Variants in ARMC2 observed in about 807,000 individuals in gnomAD.
ARMC2 encodes armadillo repeat-containing protein 2.
ARMC2 carries 67 observed loss-of-function variants against 90.3 expected under a neutral mutation model. That is an observed-to-expected ratio of 0.74 (90% CI 0.61 to 0.91). ARMC2 has a LOEUF of 0.91. Among genes scored for constraint, ARMC2 ranks in the 40% least tolerant of loss-of-function variants. The pLI is 0.00. For missense variants in ARMC2, 920 were observed against 1,030.9 expected, an observed-to-expected ratio of 0.89 and a Z score of 1.47; for synonymous variants, 393 against 393.0, an observed-to-expected ratio of 1.00 and a Z score of 0.00.
chr6:109,002,737 C>T, the ARMC2 span, among the ~76,000 whole-genome samples: 1 of 152,158 alleles, frequency 6.6e-6, no homozygotes, highest in African/African-American at 2.4e-5. Context: ...AATGAAAAAG[C>T]AGTACTTCCA....
chr6:108,902,176 T>C (rs1772226434), intron 7 of ARMC2, among the ~76,000 whole-genome samples: 1 of 152,348 alleles, frequency 6.6e-6, no homozygotes, highest in Non-Finnish European at 1.5e-5. Context: ...AATCAAACTT[T>C]TACCCACTAG....
intron 3 of ARMC2, among the ~76,000 whole-genome samples, chr6:108,865,844 C>A (rs991838248): frequency 3.3e-5 from 5 of 151,652 alleles, no homozygotes; most frequent in African/African-American, 1.2e-4. Context: ...ATAGGGAGAC[C>A]CTGTCTCTAC....
At chr6:108,983,069 G>A in the ARMC2 span, among the ~76,000 whole-genome samples, 15,323 of 151,774 alleles carry the variant, frequency 0.1, 912 homozygotes, top group South Asian at 0.19. Context: ...TGCCTGCCTC[G>A]GCCTCCCAAA....
intron 13 of ARMC2, among the ~76,000 whole-genome samples, chr6:108,958,994 T>G (rs1777793786): frequency 6.6e-6 from 1 of 152,216 alleles, no homozygotes; most frequent in Non-Finnish European, 1.5e-5. Flanking sequence ...GTCCCTTCTT[T>G]TACCATAACT....
chr6:108,873,365 C>G (rs139917785), intron 4 of ARMC2, among the ~76,000 whole-genome samples: 2 of 152,080 alleles, frequency 1.3e-5, no homozygotes, highest in African/African-American at 4.8e-5. Context: ...GGATGACATC[C>G]CAGCACCTCC....
the ARMC2 span, among the ~76,000 whole-genome samples, chr6:109,051,341 G>C: frequency 6.6e-6 from 1 of 152,062 alleles, no homozygotes; most frequent in Non-Finnish European, 1.5e-5. Context: ...GACAATAATG[G>C]TGCTACTTCA....
At chr6:108,969,675 T>C (rs1332125089) in intron 17 of ARMC2, among the ~76,000 whole-genome samples, 1 of 152,240 alleles carries the variant, frequency 6.6e-6, no homozygotes, top group Non-Finnish European at 1.5e-5. Context: ...TAAGTAGGTA[T>C]ATGTATACAG....
At chr6:108,899,888 A>G (rs1383441898) in intron 7 of ARMC2, 96 bp downstream of exon 7, 1 of 904,518 alleles carries the variant, frequency 1.1e-6, no homozygotes, top group Non-Finnish European at 1.7e-6. Context: ...TGATATTTTT[A>G]GTAAGTTTTC....
At chr6:108,921,203 C>A (rs1774532744) in intron 10 of ARMC2, among the ~76,000 whole-genome samples, 1 of 152,104 alleles carries the variant, frequency 6.6e-6, no homozygotes, top group South Asian at 2.1e-4. Flanking sequence ...TTCAAAATTT[C>A]TCCTGTATTG....
At chr6:108,989,799 T>C in the ARMC2 span, among the ~76,000 whole-genome samples, 3 of 152,274 alleles carry the variant, frequency 2.0e-5, no homozygotes, top group Non-Finnish European at 4.4e-5. Flanking sequence ...ACCAGTTGTG[T>C]GCGTTGCTCC....
chr6:108,990,716 C>G, the ARMC2 span: 1 of 1,614,086 alleles, frequency 6.2e-7, no homozygotes, highest in Non-Finnish European at 8.5e-7. Flanking sequence ...CATCTTTGTG[C>G]ATTGCCATTG....
intron 3 of ARMC2, among the ~76,000 whole-genome samples, chr6:108,864,310 A>G (rs1358656508): frequency 6.9e-6 from 1 of 145,498 alleles, no homozygotes; most frequent in Non-Finnish European, 1.5e-5. Flanking sequence ...GTGCAGTGGC[A>G]TGATCTCAGC....
At chr6:108,952,936 T>C in intron 12 of ARMC2, 97 bp from the exon 13 acceptor site, 2 of 1,168,438 alleles carry the variant, frequency 1.7e-6, no homozygotes, top group Non-Finnish European at 2.4e-6. Flanking sequence ...TCCATTTTAC[T>C]ATTAATGCAA....
Position 108,885,826 on chromosome 6 carries a change from G to T in ARMC2, c.672-8641G>T, listed in dbSNP as rs114408181. The stretch of plus-strand genomic sequence containing the variant: ...ACCAAATTGCAGTCGAAGTATGGAA[G>T]AGACTATAAAGCAGGATCAGCAAAC... On this transcript the variant is annotated intron_variant, in intron 5 of 17. Coordinates refer to ENST00000392644, the MANE Select transcript of ARMC2 (RefSeq NM_032131.6). 9.3e-3 allele frequency among the ~76,000 whole-genome samples: 1,419 copies of T among 152,314 alleles called. 25 individuals carry two copies. The highest frequency in any genetic ancestry group is 0.032 in the African/African-American group (1,342 of 41,576).
At chr6:108,954,498 C>T (rs1474674797) in intron 13 of ARMC2, among the ~76,000 whole-genome samples, 1 of 152,144 alleles carries the variant, frequency 6.6e-6, no homozygotes, top group African/African-American at 2.4e-5. Context: ...TAGCATTCAC[C>T]TATAATCCCA....
At chr6:108,923,327 A>G (rs1021647235) in intron 10 of ARMC2, among the ~76,000 whole-genome samples, 5 of 152,130 alleles carry the variant, frequency 3.3e-5, no homozygotes, top group Non-Finnish European at 5.9e-5. Flanking sequence ...AAATGGATGC[A>G]CACCTCCAAG....
At chr6:108,859,454 A>C (rs1774988472) in intron 3 of ARMC2, among the ~76,000 whole-genome samples, 1 of 152,150 alleles carries the variant, frequency 6.6e-6, no homozygotes, top group Non-Finnish European at 1.5e-5. Context: ...AAATTATTTG[A>C]AACCTTGATT....
At chr6:108,958,713 C>T (rs971448523) in intron 13 of ARMC2, among the ~76,000 whole-genome samples, 3 of 152,282 alleles carry the variant, frequency 2.0e-5, no homozygotes, top group Non-Finnish European at 4.4e-5. Context: ...CCCCATGAGC[C>T]GTCATTCTGG....
chr6:109,050,401 A>G, the ARMC2 span, among the ~76,000 whole-genome samples: 1 of 152,116 alleles, frequency 6.6e-6, no homozygotes, highest in Non-Finnish European at 1.5e-5. Flanking sequence ...AAAAAAAAAA[A>G]AAAAGTCATT....
Sources: gnomAD v4.1 joint callset for allele counts (sites outside exome capture counted in the v4.1 genomes callset) on GRCh38, gnomAD v4.1.1 for gene constraint, MANE v1.5 for transcripts, NCBI Gene and HGNC (gene_info 2026-07-23, HGNC 2026-07-21) for gene names.